The following SHISA6 variants were observed in gnomAD, a reference collection of about 807,000 sequenced individuals.
The protein encoded by SHISA6 is shisa family member 6.
Under a neutral mutation model 47.9 loss-of-function variants are expected in SHISA6, and 22 were observed. That is an observed-to-expected ratio of 0.46 (90% CI 0.33 to 0.66). The LOEUF (loss-of-function observed/expected upper bound fraction) is 0.66, where lower values mean the gene tolerates loss of function less well. Among genes scored for constraint, SHISA6 ranks in the 30% least tolerant of loss-of-function variants. SHISA6 has a pLI of 0.02. For missense variants in SHISA6, 680 were observed against 764.6 expected (o/e 0.89, Z 1.30); for synonymous variants, 388 against 337.8 (o/e 1.15, Z -1.63).
chr17:11,360,542 A>G (rs886897039), intron 2 of SHISA6, among the ~76,000 whole-genome samples: 2 of 151,504 alleles, frequency 1.3e-5, no homozygotes, highest in African/African-American at 4.9e-5. Flanking sequence ...CCTGGGTGAC[A>G]GAGCAAGACT....
At chr17:11,316,261 T>C (rs1461050947) in intron 2 of SHISA6, among the ~76,000 whole-genome samples, 1 of 151,810 alleles carries the variant, frequency 6.6e-6, no homozygotes. Context: ...TTTCTTTAGC[T>C]AAGACCAGTT....
At chr17:11,295,037 G>A (rs1909697976) in intron 2 of SHISA6, among the ~76,000 whole-genome samples, 2 of 152,314 alleles carry the variant, frequency 1.3e-5, no homozygotes, top group South Asian at 4.1e-4. Context: ...GTGACTAATA[G>A]GCAGGTATCC....
chr17:11,496,152 C>A (rs1340241970), intron 3 of SHISA6, among the ~76,000 whole-genome samples: 2 of 152,116 alleles, frequency 1.3e-5, no homozygotes, highest in African/African-American at 2.4e-5. Flanking sequence ...CTCCTAGGAA[C>A]CAGTGGGGCC....
At chr17:11,409,700 T>G (rs1237999512) in intron 3 of SHISA6, among the ~76,000 whole-genome samples, 14 of 109,530 alleles carry the variant, frequency 1.3e-4, no homozygotes, top group Non-Finnish European at 2.1e-4. Context: ...CAAGACTCCA[T>G]CTCAAAAAAA....
At chr17:11,557,635 T>G in intron 5 of SHISA6, 119 bp from the exon 6 acceptor site, 1 of 981,168 alleles carries the variant, frequency 1.0e-6, no homozygotes, top group Non-Finnish European at 1.5e-6. Context: ...GGAGTTTGAC[T>G]GTATTATCCC....
intron 3 of SHISA6, among the ~76,000 whole-genome samples, chr17:11,482,672 G>T (rs546246243): frequency 6.6e-6 from 1 of 152,252 alleles, no homozygotes; most frequent in East Asian, 1.9e-4. Flanking sequence ...CAAATATCAT[G>T]GTCCTTGGAA....
chr17:11,526,613 G>A (rs973420917), intron 3 of SHISA6, among the ~76,000 whole-genome samples: 4 of 151,968 alleles, frequency 2.6e-5, no homozygotes, highest in South Asian at 2.1e-4. Context: ...TAACTTCCCC[G>A]ATGGTTCATC....
intron 3 of SHISA6, among the ~76,000 whole-genome samples, chr17:11,531,503 G>T (rs145682400): frequency 6.6e-6 from 1 of 151,952 alleles, no homozygotes; most frequent in Non-Finnish European, 1.5e-5. Context: ...TCATCATTAC[G>T]CACAGCCAGT....
chr17:11,530,189 G>T (rs1028298129), intron 3 of SHISA6, among the ~76,000 whole-genome samples: 1 of 152,100 alleles, frequency 6.6e-6, no homozygotes, highest in African/African-American at 2.4e-5. Context: ...ACTAAGTTCT[G>T]CCTGTTACGA....
intron 4 of SHISA6, among the ~76,000 whole-genome samples, chr17:11,552,173 C>A (rs768996555): frequency 6.6e-6 from 1 of 152,212 alleles, no homozygotes; most frequent in Non-Finnish European, 1.5e-5. Flanking sequence ...TCAGAATGAT[C>A]TCTTGACATA....
Position 11,277,280 on chromosome 17 carries a change from T to TCTCTCTCTCACACACA in SHISA6, c.799+13755_799+13756insTCTCTCTCACACACAC, listed in dbSNP as rs1386997909. ...CTCTCTCTCTCTCTCTCTCTCTCTC[T>TCTCTCTCTCACACACA]CACACACACACACACACACACACAC... is the stretch of plus-strand genomic sequence containing the variant. On this transcript the variant is annotated intron_variant, in intron 2 of 5. Coordinates refer to ENST00000441885, the MANE Select transcript of SHISA6 (RefSeq NM_207386.4). 3.3e-3 allele frequency among the ~76,000 whole-genome samples: 176 copies of TCTCTCTCTCACACACA among 53,850 alleles called. 1 individual carries two copies. Among genetic ancestry groups the TCTCTCTCTCACACACA allele is most frequent in the East Asian group, 0.022 (25 of 1,112 alleles). The allele number at this position is 53,850 out of a possible 152,430, so 35.3% of individuals were successfully genotyped here. A position where few individuals can be genotyped will look rare whatever the true frequency, so the allele number is the denominator to read the frequency against.
chr17:11,533,744 C>T (rs1026069882), intron 3 of SHISA6, among the ~76,000 whole-genome samples: 1 of 151,900 alleles, frequency 6.6e-6, no homozygotes, highest in Non-Finnish European at 1.5e-5. Flanking sequence ...AGGCACCTGC[C>T]ACCATGCCTG....
At chr17:11,418,107 A>G (rs1433543619) in intron 3 of SHISA6, among the ~76,000 whole-genome samples, 1 of 152,248 alleles carries the variant, frequency 6.6e-6, no homozygotes, top group East Asian at 1.9e-4. Flanking sequence ...TAGAATCAGA[A>G]CAGAATATGT....
intron 3 of SHISA6, among the ~76,000 whole-genome samples, chr17:11,407,529 C>A (rs1045618053): frequency 2.6e-5 from 4 of 151,782 alleles, no homozygotes; most frequent in Admixed American, 2.0e-4. Context: ...TAAATATACA[C>A]ACATAGAGCC....
At chr17:11,442,270 A>G (rs143759770) in intron 3 of SHISA6, among the ~76,000 whole-genome samples, 9 of 151,914 alleles carry the variant, frequency 5.9e-5, no homozygotes, top group African/African-American at 2.2e-4. Context: ...CCAGCAACAA[A>G]TCACCCTGCC....
At chr17:11,284,723 A>G (rs1013271235) in intron 2 of SHISA6, among the ~76,000 whole-genome samples, 18 of 152,178 alleles carry the variant, frequency 1.2e-4, no homozygotes, top group Non-Finnish European at 2.2e-4. Context: ...CTGTTTTTTA[A>G]TGATTCTATT....
At chr17:11,279,727 A>T (rs2041306818) in intron 2 of SHISA6, among the ~76,000 whole-genome samples, 1 of 152,042 alleles carries the variant, frequency 6.6e-6, no homozygotes, top group South Asian at 2.1e-4. Context: ...GTGGTTGGGT[A>T]TTGCCTCCCA....
chr17:11,356,083 G>T (rs73975309), intron 2 of SHISA6, among the ~76,000 whole-genome samples: 5,357 of 152,272 alleles, frequency 0.035, 291 homozygotes, highest in African/African-American at 0.11. Flanking sequence ...GAGAGGCACT[G>T]GTGCAAAGTT....
intron 2 of SHISA6, among the ~76,000 whole-genome samples, chr17:11,372,789 T>C (rs1237111770): frequency 6.6e-6 from 1 of 152,072 alleles, no homozygotes; most frequent in Non-Finnish European, 1.5e-5. Flanking sequence ...CCGTGCATGG[T>C]TGTACAGAAG....
Sources: gnomAD v4.1 joint callset for allele counts (sites outside exome capture counted in the v4.1 genomes callset) on GRCh38, gnomAD v4.1.1 for gene constraint, MANE v1.5 for transcripts, NCBI Gene and HGNC (gene_info 2026-07-23, HGNC 2026-07-21) for gene names.